Variants in FHIT observed in about 807,000 individuals in gnomAD.
FHIT encodes fragile histidine triad diadenosine triphosphatase, also known as bis(5'-adenosyl)-triphosphatase.
In FHIT, 19 loss-of-function variants were observed where a neutral mutation model predicts 17.9. The observed-to-expected ratio is 1.06, with a 90% CI of 0.74 to 1.56. The LOEUF (loss-of-function observed/expected upper bound fraction) is 1.56, where lower values mean the gene tolerates loss of function less well. Among genes scored for constraint, FHIT ranks in the 40% most tolerant of loss-of-function variants. FHIT has a pLI of 0.00. For missense variants in FHIT, 248 were observed against 189.2 expected, an observed-to-expected ratio of 1.31 and a Z score of -1.82; for synonymous variants, 81 against 69.7, an observed-to-expected ratio of 1.16 and a Z score of -0.81.
intron 3 of FHIT, among the ~76,000 whole-genome samples, chr3:60,900,158 T>A (rs1706041139): frequency 6.6e-6 from 1 of 152,176 alleles, no homozygotes. Context: ...CTGTCATTGA[T>A]TCTCCTACTT....
chr3:60,519,969 C>G (rs2035299113), intron 5 of FHIT, among the ~76,000 whole-genome samples: 2 of 152,124 alleles, frequency 1.3e-5, no homozygotes, highest in African/African-American at 2.4e-5. Context: ...CACTTGAGCT[C>G]ACCCCAATAG....
At chr3:61,124,361 T>C (rs1290157042) in intron 2 of FHIT, among the ~76,000 whole-genome samples, 1 of 152,170 alleles carries the variant, frequency 6.6e-6, no homozygotes, top group Non-Finnish European at 1.5e-5. Context: ...TTCTCCATCA[T>C]CCTCCATTAA....
At position 60,050,929 on chromosome 3, in the gene FHIT, A is replaced by T. The variant is rs1345217155; in HGVS notation, c.104-36777T>A. 2.0e-5 allele frequency among the ~76,000 whole-genome samples: 3 copies of T among 152,186 alleles called. No homozygotes were observed. The South Asian group carries it at 6.2e-4, about 32-fold the overall frequency. Reference sequence around the variant, plus strand: ...AGGCCTCCATTAATTCATGCATTCAATCAACAGTCATTGAGCTTGTCCACT... The same window carrying T: ...AGGCCTCCATTAATTCATGCATTCATTCAACAGTCATTGAGCTTGTCCACT... On this transcript the variant is annotated intron_variant, in intron 5 of 9. Transcript: ENST00000492590.
At chr3:60,749,306 G>GT (rs61540430) in intron 4 of FHIT, among the ~76,000 whole-genome samples, 10 of 151,840 alleles carry the variant, frequency 6.6e-5, no homozygotes, top group East Asian at 1.9e-4. Flanking sequence ...CTCTGAGACG[G>GT]TTTTTTTTCC....
chr3:60,382,135 G>A (rs536671032), intron 5 of FHIT, among the ~76,000 whole-genome samples: 1 of 152,228 alleles, frequency 6.6e-6, no homozygotes, highest in African/African-American at 2.4e-5. Flanking sequence ...ATCAAGACCA[G>A]CCAATGGATT....
At chr3:59,928,247 C>T (rs1705772049) in intron 7 of FHIT, among the ~76,000 whole-genome samples, 1 of 152,204 alleles carries the variant, frequency 6.6e-6, no homozygotes, top group African/African-American at 2.4e-5. Context: ...AATCCCTGAC[C>T]TGTGATTATG....
At chr3:59,939,910 T>A (rs1706428278) in intron 7 of FHIT, among the ~76,000 whole-genome samples, 2 of 152,156 alleles carry the variant, frequency 1.3e-5, no homozygotes, top group Non-Finnish European at 2.9e-5. Flanking sequence ...CGCTCCATGG[T>A]CATACATCCA....
intron 5 of FHIT, among the ~76,000 whole-genome samples, chr3:60,192,605 G>C (rs1279309895): frequency 6.6e-6 from 1 of 152,154 alleles, no homozygotes; most frequent in East Asian, 1.9e-4. Flanking sequence ...AAGTAAATGG[G>C]ATTTCCAAGT....
chr3:60,547,998 A>G (rs750557230), intron 4 of FHIT, among the ~76,000 whole-genome samples: 4 of 152,102 alleles, frequency 2.6e-5, no homozygotes, highest in Non-Finnish European at 5.9e-5. Context: ...AAGTAACGAA[A>G]TCTCTTTTGG....
At chr3:61,127,310 C>A (rs2036636062) in intron 2 of FHIT, among the ~76,000 whole-genome samples, 4 of 152,150 alleles carry the variant, frequency 2.6e-5, no homozygotes, top group Admixed American at 2.6e-4. Flanking sequence ...CATGGCTATG[C>A]AGTTTGTTCT....
intron 5 of FHIT, among the ~76,000 whole-genome samples, chr3:60,343,980 A>G (rs1159435254): frequency 2.0e-5 from 3 of 152,186 alleles, no homozygotes; most frequent in Non-Finnish European, 4.4e-5. Flanking sequence ...AATTTTAAGG[A>G]TGGCATTTTG....
intron 5 of FHIT, among the ~76,000 whole-genome samples, chr3:60,500,333 CAAATAAATA>C (rs938406702): frequency 5.6e-4 from 83 of 148,286 alleles, no homozygotes; most frequent in African/African-American, 2.0e-3. Flanking sequence ...TATATGTTCT[CAAATAAATA>C]AAATAAAGTA....
intron 4 of FHIT, among the ~76,000 whole-genome samples, chr3:60,746,789 T>G (rs2042365200): frequency 6.6e-6 from 1 of 152,200 alleles, no homozygotes; most frequent in East Asian, 1.9e-4. Context: ...TGTTTGTTTG[T>G]TAATAAACGT....
In FHIT at chr3:59,793,444, GT is replaced by G. The variant is rs532317664; in HGVS notation, c.349-41124del. Among the ~76,000 whole-genome samples, 515 of 152,206 alleles carry G rather than the reference GT, an allele frequency of 3.4e-3. 3 individuals are homozygous for G. The highest frequency in any genetic ancestry group is 3.9e-3 in the Non-Finnish European group (268 of 68,002). ...AAGGCAACCTTTGTCCAGGTCCCTT[GT>G]TTTACCAAAGACGACAAGAGGAGCC... On this transcript the variant is annotated intron_variant, in intron 8 of 9. Coordinates refer to ENST00000492590, the MANE Select transcript of FHIT (RefSeq NM_002012.4).
At chr3:60,387,035 T>TTTTTTTTTGG (rs1701039773) in intron 5 of FHIT, among the ~76,000 whole-genome samples, 2 of 151,382 alleles carry the variant, frequency 1.3e-5, no homozygotes, top group South Asian at 2.1e-4. Context: ...TTTTTTTTTT[T>TTTTTTTTTGG]GGAGTGCAAC....
intron 5 of FHIT, among the ~76,000 whole-genome samples, chr3:60,326,424 C>T (rs773673921): frequency 1.3e-5 from 2 of 152,052 alleles, no homozygotes; most frequent in Non-Finnish European, 2.9e-5. Context: ...ATAGGGTTCA[C>T]ATTCCTATGA....
intron 5 of FHIT, among the ~76,000 whole-genome samples, chr3:60,350,398 A>T (rs1711027419): frequency 1.3e-5 from 2 of 152,200 alleles, no homozygotes; most frequent in South Asian, 2.1e-4. Flanking sequence ...GTAGAGCTCC[A>T]AACTCCCATG....
rs374418149 is a variant in FHIT at position 60,549,294 on chromosome 3, A to G, written c.-17-12315T>C. 5.9e-5 allele frequency among the ~76,000 whole-genome samples: 9 copies of G among 152,324 alleles called. No homozygotes were observed. The South Asian group carries it at 1.0e-3, about 18-fold the overall frequency. On this transcript the variant is annotated intron_variant, in intron 4 of 9. Transcript: ENST00000492590. ...CCATATTAGAGGTAGAGCAGTGTCAAAAACTACCATCTGATTAAATAATAG... is the reference window on the plus strand; with the variant it reads ...CCATATTAGAGGTAGAGCAGTGTCAGAAACTACCATCTGATTAAATAATAG...
intron 7 of FHIT, among the ~76,000 whole-genome samples, chr3:59,953,583 T>C (rs1707236637): frequency 1.3e-5 from 2 of 152,206 alleles, no homozygotes; most frequent in Non-Finnish European, 1.5e-5. Flanking sequence ...AAACTCATGC[T>C]GTAGGAATCT....
Sources: gnomAD v4.1 joint callset for allele counts (sites outside exome capture counted in the v4.1 genomes callset) on GRCh38, gnomAD v4.1.1 for gene constraint, MANE v1.5 for transcripts, NCBI Gene and HGNC (gene_info 2026-07-23, HGNC 2026-07-21) for gene names.